PLEK2: variants seen among roughly 807,000 people sequenced by gnomAD.
PLEK2 encodes the protein pleckstrin 2.
PLEK2 carries 29 observed loss-of-function variants against 43.8 expected under a neutral mutation model. That is an observed-to-expected ratio of 0.66 (90% CI 0.49 to 0.90). The LOEUF (loss-of-function observed/expected upper bound fraction) is 0.90, where lower values mean the gene tolerates loss of function less well. PLEK2 is among the 40% of genes least tolerant of loss of function. The pLI, the probability that PLEK2 is intolerant of heterozygous loss-of-function variation, is 0.00. For synonymous variants in PLEK2, 162 were observed against 173.2 expected, an observed-to-expected ratio of 0.94 and a Z score of 0.51; for missense variants, 398 against 448.1, an observed-to-expected ratio of 0.89 and a Z score of 1.01.
chr14:67,408,971 TAG>T (rs1010627102), intron 1 of PLEK2, among the ~76,000 whole-genome samples: 10 of 150,894 alleles, frequency 6.6e-5, no homozygotes, highest in Admixed American at 6.6e-4. Context: ...TCCCAGCACT[TAG>T]AGAGGCCAAG....
At chr14:67,405,808 G>A (rs1466266690) in intron 1 of PLEK2, among the ~76,000 whole-genome samples, 1 of 152,208 alleles carries the variant, frequency 6.6e-6, no homozygotes, top group Non-Finnish European at 1.5e-5. Context: ...CAACAGCCAT[G>A]TAGGTGAGCT....
intron 1 of PLEK2, among the ~76,000 whole-genome samples, chr14:67,409,371 C>T (rs759131031): frequency 5.3e-5 from 8 of 152,170 alleles, no homozygotes; most frequent in Non-Finnish European, 1.2e-4. Flanking sequence ...AGTGAGACCT[C>T]ATCTCTACAA....
intron 7 of PLEK2, among the ~76,000 whole-genome samples, chr14:67,388,610 A>G (rs8022938): frequency 0.082 from 12,420 of 152,224 alleles, 1,198 homozygotes; most frequent in African/African-American, 0.23. Flanking sequence ...TGCTACCCGG[A>G]AAAACATTCA....
chr14:67,392,518 G>A, intron 5 of PLEK2, 91 bp from the exon 6 acceptor site: 4 of 1,245,546 alleles, frequency 3.2e-6, no homozygotes, highest in Non-Finnish European at 4.7e-6. Context: ...AATTCCTCAG[G>A]ACAGGAACCT....
At chr14:67,406,720 CT>C (rs1341616525) in intron 1 of PLEK2, among the ~76,000 whole-genome samples, 1 of 152,198 alleles carries the variant, frequency 6.6e-6, no homozygotes, top group East Asian at 1.9e-4. Context: ...CAGCTGGAGG[CT>C]GCTGGAATAG....
chr14:67,393,893 A>C (rs1284520190), intron 3 of PLEK2, among the ~76,000 whole-genome samples: 1 of 152,178 alleles, frequency 6.6e-6, no homozygotes, highest in Non-Finnish European at 1.5e-5. Context: ...ACATTTTCCC[A>C]AAAAAGCTTG....
At chr14:67,402,814 C>T (rs1032388150) in intron 1 of PLEK2, among the ~76,000 whole-genome samples, 7 of 152,130 alleles carry the variant, frequency 4.6e-5, no homozygotes, top group Admixed American at 6.6e-5. Context: ...ACAGTTTCTT[C>T]ATTCATGTGT....
At chr14:67,400,574 G>C (rs965362270) in intron 1 of PLEK2, among the ~76,000 whole-genome samples, 3 of 152,170 alleles carry the variant, frequency 2.0e-5, no homozygotes, top group South Asian at 2.1e-4. Flanking sequence ...GGGACATCTG[G>C]GTGCTTCTGA....
intron 1 of PLEK2, among the ~76,000 whole-genome samples, chr14:67,405,231 A>T (rs2139890330): frequency 6.6e-6 from 1 of 151,720 alleles, no homozygotes; most frequent in African/African-American, 2.4e-5. Flanking sequence ...TCTCAAAAAA[A>T]AAAAAAAAAA....
chr14:67,388,668 T>C (rs187046161), intron 7 of PLEK2, among the ~76,000 whole-genome samples: 7 of 152,270 alleles, frequency 4.6e-5, no homozygotes, highest in African/African-American at 7.2e-5. Context: ...ATCAGAAATA[T>C]ATATTTATAG....
At chr14:67,387,846 G>A (rs2085937718) in intron 8 of PLEK2, among the ~76,000 whole-genome samples, 1 of 152,212 alleles carries the variant, frequency 6.6e-6, no homozygotes, top group Non-Finnish European at 1.5e-5. Context: ...AGTTTCCACA[G>A]ACACAAGATG....
chr14:67,392,001 G>A, intron 6 of PLEK2, among the ~76,000 whole-genome samples: 1 of 152,218 alleles, frequency 6.6e-6, no homozygotes, highest in African/African-American at 2.4e-5. Flanking sequence ...AAAACCTCAA[G>A]CCAGTCAGCA....
chr14:67,394,516 C>T (rs555628772), intron 3 of PLEK2, among the ~76,000 whole-genome samples: 1 of 152,296 alleles, frequency 6.6e-6, no homozygotes, highest in Admixed American at 6.5e-5. Flanking sequence ...ACCCACCTGC[C>T]TACCCACCTT....
At chr14:67,399,459 A>G (rs1024934749) in intron 1 of PLEK2, among the ~76,000 whole-genome samples, 2 of 149,088 alleles carry the variant, frequency 1.3e-5, no homozygotes, top group Non-Finnish European at 3.0e-5. Flanking sequence ...GGTGGCAGGA[A>G]TAAAGAGAAG....
chr14:67,394,828 TATC>T (rs2085994620), intron 3 of PLEK2, among the ~76,000 whole-genome samples: 1 of 152,122 alleles, frequency 6.6e-6, no homozygotes, highest in Non-Finnish European at 1.5e-5. Context: ...ATTAATGAAT[TATC>T]ATGGGAATGG....
At chr14:67,397,142 T>C (rs1056383330) in intron 2 of PLEK2, among the ~76,000 whole-genome samples, 3 of 152,196 alleles carry the variant, frequency 2.0e-5, no homozygotes, top group Admixed American at 1.3e-4. Context: ...TTTCACCATG[T>C]TGGCCAGGCT....
At chr14:67,399,472 T>C (rs1232161589) in intron 1 of PLEK2, among the ~76,000 whole-genome samples, 1 of 133,322 alleles carries the variant, frequency 7.5e-6, no homozygotes, top group African/African-American at 2.9e-5. Context: ...AAGAGAAGGG[T>C]AGTTTAGGTG....
intron 1 of PLEK2, among the ~76,000 whole-genome samples, chr14:67,403,287 C>T (rs371222204): frequency 1.3e-5 from 2 of 152,264 alleles, no homozygotes; most frequent in East Asian, 1.9e-4. Context: ...GGTAGTCAAA[C>T]ATGGGAAAAC....
In PLEK2 at chr14:67,392,651, C is replaced by T; in HGVS notation, c.669+11G>A. The T allele has an allele frequency of 6.2e-7, 1 of 1,604,926 alleles. No individual in the cohort carries two copies. Among genetic ancestry groups the T allele is most frequent in the South Asian group, 1.1e-5 (1 of 90,434 alleles). ...GCCCTGGTGGCAAGAAGAACCCACT[C>T]CCCAACTTACAAAAGTGTACAGGGC... On this transcript the variant is annotated intron_variant, in intron 5 of 8. Coordinates refer to ENST00000216446, the MANE Select transcript of PLEK2 (RefSeq NM_016445.3).
Sources: gnomAD v4.1 joint callset for allele counts (sites outside exome capture counted in the v4.1 genomes callset) on GRCh38, gnomAD v4.1.1 for gene constraint, MANE v1.5 for transcripts, NCBI Gene and HGNC (gene_info 2026-07-23, HGNC 2026-07-21) for gene names.